BRINP1: variants seen among roughly 807,000 people sequenced by gnomAD.
BRINP1 encodes the protein BMP/retinoic acid inducible neural specific 1, also known as BMP/retinoic acid-inducible neural-specific protein 1.
In BRINP1, 17 loss-of-function variants were observed where a neutral mutation model predicts 72.9. The observed-to-expected ratio is 0.23, with a 90% confidence interval of 0.16 to 0.35. The LOEUF is 0.35. BRINP1 is among the 10% of genes least tolerant of loss of function. BRINP1 has a pLI of 1.00. For synonymous variants in BRINP1, 418 were observed against 378.5 expected, an observed-to-expected ratio of 1.10 and a Z score of -1.21; for missense variants, 850 against 1,001.6, an observed-to-expected ratio of 0.85 and a Z score of 2.04.
intron 5 of BRINP1, among the ~76,000 whole-genome samples, chr9:119,219,784 T>C (rs1830020379): frequency 6.6e-6 from 1 of 151,474 alleles, no homozygotes; most frequent in Non-Finnish European, 1.5e-5. Flanking sequence ...GAAAGAACAA[T>C]GAACTCAGCA....
intron 2 of BRINP1, among the ~76,000 whole-genome samples, chr9:119,304,757 C>T (rs1175847789): frequency 6.6e-6 from 1 of 152,212 alleles, no homozygotes; most frequent in African/African-American, 2.4e-5. Flanking sequence ...CTGTTGGTGG[C>T]ACTGATTGGT....
chr9:119,354,801 C>G (rs1415652356), intron 1 of BRINP1, among the ~76,000 whole-genome samples: 1 of 152,110 alleles, frequency 6.6e-6, no homozygotes, highest in Non-Finnish European at 1.5e-5. Context: ...CCCAGGAATC[C>G]AAGGCTACAG....
intron 7 of BRINP1, among the ~76,000 whole-genome samples, chr9:119,182,493 T>G (rs1829568611): frequency 6.6e-6 from 1 of 152,236 alleles, no homozygotes; most frequent in African/African-American, 2.4e-5. Context: ...AAATTTCAAT[T>G]TCCAAGGTAA....
At chr9:119,280,379 C>T (rs1830697622) in intron 2 of BRINP1, among the ~76,000 whole-genome samples, 2 of 151,262 alleles carry the variant, frequency 1.3e-5, no homozygotes, top group Admixed American at 6.6e-5. Context: ...GCTGGGACTA[C>T]AGGCACCCGC....
At chr9:119,282,441 T>A (rs780516033) in intron 2 of BRINP1, among the ~76,000 whole-genome samples, 1 of 152,130 alleles carries the variant, frequency 6.6e-6, no homozygotes, top group Non-Finnish European at 1.5e-5. Flanking sequence ...TGGCATCTGA[T>A]CATTAAAGGT....
chr9:119,348,532 G>A (rs542774544), intron 1 of BRINP1, among the ~76,000 whole-genome samples: 1 of 152,308 alleles, frequency 6.6e-6, no homozygotes, highest in East Asian at 1.9e-4. Flanking sequence ...AGCTGTCGCT[G>A]TACCATTTTG....
intron 1 of BRINP1, among the ~76,000 whole-genome samples, chr9:119,319,468 T>TG (rs1278696516): frequency 1.3e-5 from 2 of 152,192 alleles, no homozygotes; most frequent in African/African-American, 4.8e-5. Flanking sequence ...TTTGTTGGGC[T>TG]GGAACAAGGA....
chr9:119,223,232 G>C (rs1588169219), intron 5 of BRINP1, among the ~76,000 whole-genome samples: 1 of 152,080 alleles, frequency 6.6e-6, no homozygotes, highest in Non-Finnish European at 1.5e-5. Context: ...TATCTTGATT[G>C]TGGTGGGGGT....
intron 1 of BRINP1, among the ~76,000 whole-genome samples, chr9:119,360,646 C>G (rs1831620034): frequency 6.6e-6 from 1 of 152,182 alleles, no homozygotes; most frequent in African/African-American, 2.4e-5. Context: ...TCCTGGATGT[C>G]TGCCTTTCCT....
At chr9:119,195,950 A>G (rs1456272031) in intron 7 of BRINP1, among the ~76,000 whole-genome samples, 2 of 152,228 alleles carry the variant, frequency 1.3e-5, no homozygotes, top group East Asian at 1.9e-4. Context: ...GAAAGATTTT[A>G]TGGCCAAATA....
At chr9:119,344,025 G>A (rs142426119) in intron 1 of BRINP1, among the ~76,000 whole-genome samples, 1 of 152,134 alleles carries the variant, frequency 6.6e-6, no homozygotes, top group East Asian at 1.9e-4. Flanking sequence ...TTCCTCCAGA[G>A]CCCCTACAGC....
At position 119,326,548 on chromosome 9, in the gene BRINP1, T is replaced by C. The variant is rs891346204; in HGVS notation, c.-50-13143A>G. ...TAGCACTTTTTTTCTTTTTAAATATTTCATTTGGACCCACATTTAGAAATG... is the reference window on the plus strand; with the variant it reads ...TAGCACTTTTTTTCTTTTTAAATATCTCATTTGGACCCACATTTAGAAATG... On this transcript the variant is annotated intron_variant, in intron 1 of 7. Transcript: ENST00000265922. Among the ~76,000 whole-genome samples, 3 of 152,214 alleles carry C rather than the reference T, an allele frequency of 2.0e-5. No homozygotes were observed. The South Asian group carries it at 6.2e-4, about 32-fold the overall frequency.
At chr9:119,302,335 A>G (rs1830946572) in intron 2 of BRINP1, among the ~76,000 whole-genome samples, 2 of 152,180 alleles carry the variant, frequency 1.3e-5, no homozygotes, top group Admixed American at 1.3e-4. Context: ...GAAGTAGTAA[A>G]TGTGATTAAG....
intron 7 of BRINP1, among the ~76,000 whole-genome samples, chr9:119,205,990 T>C (rs1419927569): frequency 6.7e-6 from 1 of 148,890 alleles, no homozygotes; most frequent in Non-Finnish European, 1.5e-5. Context: ...TCCAAACTTA[T>C]ATGTTAAAGT....
intron 2 of BRINP1, among the ~76,000 whole-genome samples, chr9:119,266,913 T>C (rs529015347): frequency 6.6e-6 from 1 of 152,352 alleles, no homozygotes; most frequent in African/African-American, 2.4e-5. Flanking sequence ...TTTTATAATG[T>C]GCCAGAATCT....
intron 1 of BRINP1, among the ~76,000 whole-genome samples, chr9:119,326,452 A>C (rs1285412174): frequency 6.6e-6 from 1 of 152,210 alleles, no homozygotes; most frequent in Non-Finnish European, 1.5e-5. Context: ...AAATATGTAG[A>C]ATAATTATTT....
chr9:119,199,870 T>C (rs370079873), intron 7 of BRINP1, among the ~76,000 whole-genome samples: 1 of 152,060 alleles, frequency 6.6e-6, no homozygotes, highest in African/African-American at 2.4e-5. Flanking sequence ...ACTTCAGGAT[T>C]TGGATTCAAG....
chr9:119,209,458 C>T (rs1267357609), intron 6 of BRINP1, among the ~76,000 whole-genome samples: 3 of 151,826 alleles, frequency 2.0e-5, no homozygotes, highest in Non-Finnish European at 4.4e-5. Flanking sequence ...ATCCCAGCTA[C>T]TCGGGAGGCT....
At chr9:119,233,907 T>G (rs1830169049) in intron 5 of BRINP1, among the ~76,000 whole-genome samples, 1 of 152,232 alleles carries the variant, frequency 6.6e-6, no homozygotes. Context: ...TGTACTCATT[T>G]ACGTCTAACT....
Sources: gnomAD v4.1 joint callset for allele counts (sites outside exome capture counted in the v4.1 genomes callset) on GRCh38, gnomAD v4.1.1 for gene constraint, MANE v1.5 for transcripts, NCBI Gene and HGNC (gene_info 2026-07-23, HGNC 2026-07-21) for gene names.